ASXL3: variants seen among roughly 807,000 people sequenced by gnomAD.
ASXL3 encodes the protein ASXL transcriptional regulator 3.
In ASXL3, 34 loss-of-function variants were observed where a neutral mutation model predicts 170.6. That is an observed-to-expected ratio of 0.20 (90% CI 0.15 to 0.27). ASXL3 has a LOEUF of 0.27. ASXL3 is among the 10% of genes least tolerant of loss of function. The pLI is 1.00. For missense variants in ASXL3, 2,592 were observed against 2,695.3 expected (o/e 0.96, Z 0.85); for synonymous variants, 1,002 against 989.1 (o/e 1.01, Z -0.24).
chr18:33,685,762 C>T (rs1264219080), intron 8 of ASXL3, among the ~76,000 whole-genome samples: 2 of 152,030 alleles, frequency 1.3e-5, no homozygotes, highest in Non-Finnish European at 1.5e-5. Flanking sequence ...GGGGAGGGAG[C>T]AAGAGAGAGA....
At chr18:33,621,195 A>G (rs1385221824) in intron 2 of ASXL3, among the ~76,000 whole-genome samples, 1 of 152,184 alleles carries the variant, frequency 6.6e-6, no homozygotes, top group African/African-American at 2.4e-5. Flanking sequence ...AAGGCTTAGG[A>G]AAAGTGAGTG....
intron 9 of ASXL3, among the ~76,000 whole-genome samples, chr18:33,733,975 G>T (rs1175902217): frequency 1.3e-5 from 2 of 151,934 alleles, no homozygotes; most frequent in Non-Finnish European, 2.9e-5. Flanking sequence ...CCAGCAGACT[G>T]ATTTCCTTAA....
chr18:33,596,018 C>A (rs1423063489), intron 1 of ASXL3, among the ~76,000 whole-genome samples: 2 of 151,944 alleles, frequency 1.3e-5, no homozygotes, highest in African/African-American at 4.8e-5. Flanking sequence ...CTTGTCAATT[C>A]ATTGTCTTCT....
intron 2 of ASXL3, among the ~76,000 whole-genome samples, chr18:33,608,078 G>A (rs1475058893): frequency 2.0e-5 from 3 of 151,916 alleles, no homozygotes; most frequent in Non-Finnish European, 4.4e-5. Context: ...CAATAAATGT[G>A]GTTGAAAATC....
At chr18:33,613,617 T>A (rs1401077589) in intron 2 of ASXL3, among the ~76,000 whole-genome samples, 3 of 152,232 alleles carry the variant, frequency 2.0e-5, no homozygotes, top group East Asian at 1.9e-4. Context: ...TGTACATACC[T>A]TAATTTAAAA....
intron 11 of ASXL3, among the ~76,000 whole-genome samples, chr18:33,742,408 G>T (rs891121501): frequency 6.6e-6 from 1 of 152,138 alleles, no homozygotes; most frequent in Non-Finnish European, 1.5e-5. Context: ...AAGTTCCTTT[G>T]TGTAAAGTCA....
intron 1 of ASXL3, among the ~76,000 whole-genome samples, chr18:33,597,642 C>T (rs2065140507): frequency 6.6e-6 from 1 of 151,938 alleles, no homozygotes; most frequent in Non-Finnish European, 1.5e-5. Flanking sequence ...TGAGATTTTA[C>T]CATTTGATAC....
chr18:33,724,520 T>G (rs1438153476), intron 8 of ASXL3, among the ~76,000 whole-genome samples: 1 of 152,134 alleles, frequency 6.6e-6, no homozygotes, highest in African/African-American at 2.4e-5. Context: ...AGTGATACTT[T>G]TACAACTCTT....
At chr18:33,685,290 C>T (rs141625391) in intron 8 of ASXL3, among the ~76,000 whole-genome samples, 9 of 152,274 alleles carry the variant, frequency 5.9e-5, no homozygotes, top group Middle Eastern at 3.4e-3. Context: ...AAAATGCAGC[C>T]GTCATCATCC....
At chr18:33,596,646 C>T (rs2065129992) in intron 1 of ASXL3, among the ~76,000 whole-genome samples, 1 of 152,164 alleles carries the variant, frequency 6.6e-6, no homozygotes, top group South Asian at 2.1e-4. Flanking sequence ...TTTTCTGACT[C>T]AGATTGAATG....
intron 5 of ASXL3, 76 bp from the exon 6 acceptor site, chr18:33,670,597 A>G (rs561536028): frequency 4.5e-6 from 5 of 1,109,348 alleles, no homozygotes; most frequent in African/African-American, 3.2e-5. Flanking sequence ...TGATGGACAA[A>G]TGAGTCACTT....
intron 1 of ASXL3, among the ~76,000 whole-genome samples, chr18:33,592,495 A>G (rs111335422): frequency 2.3e-3 from 344 of 152,184 alleles, no homozygotes; most frequent in African/African-American, 8.0e-3. Flanking sequence ...GAGGGTCACT[A>G]TTTTATTCAC....
intron 2 of ASXL3, among the ~76,000 whole-genome samples, chr18:33,611,039 A>G (rs2065329132): frequency 6.6e-6 from 1 of 152,068 alleles, no homozygotes; most frequent in Non-Finnish European, 1.5e-5. Flanking sequence ...TGTTCGTTAT[A>G]TATGTTACTG....
intron 4 of ASXL3, among the ~76,000 whole-genome samples, chr18:33,653,148 C>A (rs1224466738): frequency 6.6e-6 from 1 of 151,954 alleles, no homozygotes; most frequent in African/African-American, 2.4e-5. Context: ...CAGTAACTTG[C>A]CTGTGAATGC....
chr18:33,604,548 G>A (rs1215870447), intron 1 of ASXL3, among the ~76,000 whole-genome samples: 5 of 151,994 alleles, frequency 3.3e-5, no homozygotes, highest in Admixed American at 6.6e-5. Flanking sequence ...AAACAGTGTA[G>A]TGTTGGCTCA....
intron 7 of ASXL3, among the ~76,000 whole-genome samples, chr18:33,682,544 T>C (rs2066530227): frequency 6.6e-6 from 1 of 152,106 alleles, no homozygotes; most frequent in Non-Finnish European, 1.5e-5. Flanking sequence ...TAGTGGCTAA[T>C]TTATTTGTAT....
At chr18:33,621,742 T>C (rs1020905869) in intron 2 of ASXL3, among the ~76,000 whole-genome samples, 2 of 152,136 alleles carry the variant, frequency 1.3e-5, no homozygotes, top group Non-Finnish European at 2.9e-5. Flanking sequence ...GAATTGAGTA[T>C]TATTTTCCAG....
At chr18:33,678,554 A>G (rs1330593685) in intron 7 of ASXL3, among the ~76,000 whole-genome samples, 1 of 152,196 alleles carries the variant, frequency 6.6e-6, no homozygotes, top group Non-Finnish European at 1.5e-5. Context: ...AATGGAACAC[A>G]TTCCCCATGA....
intron 8 of ASXL3, among the ~76,000 whole-genome samples, chr18:33,693,146 G>A (rs1202186357): frequency 6.6e-6 from 1 of 152,196 alleles, no homozygotes; most frequent in African/African-American, 2.4e-5. Flanking sequence ...CATTTTGGAA[G>A]TAGTCATCCA....
Sources: allele counts gnomAD v4.1 joint callset (sites outside exome capture counted in the v4.1 genomes callset), GRCh38; gene constraint gnomAD v4.1.1; transcripts MANE v1.5; gene names NCBI Gene and HGNC (gene_info 2026-07-23, HGNC 2026-07-21).